TOP3B: variants seen among roughly 807,000 people sequenced by gnomAD.
TOP3B encodes DNA topoisomerase 3-beta-1.
Under a neutral mutation model 93.9 loss-of-function variants are expected in TOP3B, and 45 were observed. The ratio of observed to expected loss-of-function variants is 0.48; its 90% CI spans 0.38 to 0.61. TOP3B has a LOEUF of 0.61. Ranked by LOEUF, TOP3B falls within the 20% of genes least tolerant of loss-of-function variation. The pLI is 0.00. For missense variants in TOP3B, 750 were observed against 1,156.1 expected (o/e 0.65, Z 5.09); for synonymous variants, 357 against 472.6 (o/e 0.76, Z 3.17).
rs112837531 is a variant in TOP3B at position 21,971,869 on chromosome 22, A to G, written c.384+8T>C. The G allele has an allele frequency of 1.3e-3, 2,112 of 1,613,914 alleles. 24 individuals carry two copies. The African/African-American group carries it at 0.025, about 19-fold the overall frequency. Reference sequence around the variant, plus strand: ...AAAAGTGAGGAACAAAGTGAGCCTCACACTCACCTCAAAGCAGATGTTCTC... The same window carrying G: ...AAAAGTGAGGAACAAAGTGAGCCTCGCACTCACCTCAAAGCAGATGTTCTC... On this transcript the variant is annotated splice_region_variant and intron_variant, in intron 5 of 17. Transcript: ENST00000357179. The surrounding 1 kb of genome is among the most constrained non-coding windows in gnomAD (Gnocchi z 4.6).
chr22:21,959,929 TC>T (rs1433349980), intron 14 of TOP3B, 193 bp from the exon 15 acceptor site: 4 of 748,214 alleles, frequency 5.3e-6, no homozygotes, highest in African/African-American at 1.8e-5. Context: ...TTTCCTGATT[TC>T]CCACCTGGAA....
intron 17 of TOP3B, 42 bp downstream of exon 17, chr22:21,958,450 G>A (rs1166879790): frequency 6.2e-7 from 1 of 1,613,114 alleles, no homozygotes; most frequent in South Asian, 1.1e-5. Context: ...ACTGAAAAGA[G>A]ACTGCAGCTA....
chr22:21,971,384 C>T lies in TOP3B; in HGVS notation c.384+493G>A. On this transcript the variant is annotated intron_variant, in intron 5 of 17. Transcript: ENST00000357179. The surrounding 1 kb of genome is among the most constrained non-coding windows in gnomAD (Gnocchi z 4.6). ...GGGCAAGCATGGGGCATGGGGTGTG[C>T]ACAGGGAGCAGCTGCCACCTGCTTC... The T allele has an allele frequency of 3.2e-6, 1 of 311,406 alleles. No homozygotes were observed. Among genetic ancestry groups the T allele is most frequent in the Non-Finnish European group, 6.3e-6 (1 of 159,208 alleles). The allele number at this position is 311,406 out of a possible 1,614,324, so 19.3% of individuals were successfully genotyped here.
intron 6 of TOP3B, chr22:21,969,823 A>G: frequency 5.6e-6 from 1 of 178,840 alleles, no homozygotes; most frequent in Non-Finnish European, 1.2e-5. Context: ...TGGAAGGCTC[A>G]GGTAGGAGGA....
At chr22:21,959,107 C>G in intron 16 of TOP3B, 25 bp downstream of exon 16, 1 of 1,612,302 alleles carries the variant, frequency 6.2e-7, no homozygotes, top group Non-Finnish European at 8.5e-7. Flanking sequence ...GGCAGCTTGC[C>G]TGAGCTAGTG....
chr22:21,960,520 C>T, intron 13 of TOP3B, 71 bp from the exon 14 acceptor site: 18 of 1,593,922 alleles, frequency 1.1e-5, no homozygotes, highest in Non-Finnish European at 1.5e-5. Context: ...TGCTGTATCA[C>T]CTGTCACGGG....
intron 1 of TOP3B, among the ~76,000 whole-genome samples, chr22:21,979,544 G>A (rs1274047823): frequency 6.6e-6 from 1 of 152,152 alleles, no homozygotes; most frequent in Non-Finnish European, 1.5e-5. Context: ...GGTGGTGCCT[G>A]TGATGAACCA....
Position 21,959,754 on chromosome 22 carries a change from G to A in TOP3B, c.1655-18C>T, listed in dbSNP as rs1451216109. On this transcript the variant is annotated intron_variant, in intron 14 of 17. Transcript: ENST00000357179. ...CTCTGCATCTGCAAGTGGGCAGGGG[G>A]CAGATATTGCCCTGAGCACTCGCAC... 2.5e-6 allele frequency: 4 copies of A among 1,609,968 alleles called. No homozygotes were observed. The highest frequency in any genetic ancestry group is 2.5e-6 in the Non-Finnish European group (3 of 1,178,620).
intron 15 of TOP3B, 159 bp downstream of exon 15, chr22:21,959,428 T>C: frequency 6.7e-7 from 1 of 1,495,048 alleles, no homozygotes; most frequent in Non-Finnish European, 8.9e-7. Flanking sequence ...ATGCACCTGC[T>C]CTTTCAACCC....
intron 6 of TOP3B, chr22:21,969,922 A>G (rs1392729852): frequency 2.4e-5 from 7 of 290,472 alleles, no homozygotes; most frequent in East Asian, 6.1e-5. Context: ...CTCTGTCTCA[A>G]AAAAATAATT....
At chr22:21,974,619 C>G (rs957118400) in intron 2 of TOP3B, 131 bp from the exon 3 acceptor site, 12 of 1,045,014 alleles carry the variant, frequency 1.1e-5, no homozygotes, top group Non-Finnish European at 1.6e-5. Flanking sequence ...GACGACATTC[C>G]GCAGACTGGT....
At chr22:21,968,381 G>T in intron 7 of TOP3B, 1 of 519,522 alleles carries the variant, frequency 1.9e-6, no homozygotes, top group Non-Finnish European at 3.4e-6. Context: ...ACCCTGCACT[G>T]CCAGAGCTGA....
At chr22:21,981,067 G>A (rs2084620974) in intron 1 of TOP3B, among the ~76,000 whole-genome samples, 1 of 152,222 alleles carries the variant, frequency 6.6e-6, no homozygotes, top group Non-Finnish European at 1.5e-5. Flanking sequence ...ACTCGCAGCA[G>A]AGGGGCATTG....
Position 21,959,151 on chromosome 22 carries a change from C to T in TOP3B, c.1886G>A (p.Arg629His). 1 of 1,613,828 alleles carries T rather than the reference C, an allele frequency of 6.2e-7. No homozygotes were observed. ...ACCTACCTGGATGTACTTCATGAAG[C>T]GGTGGCACTTCCCACAGCGTGAGAG... The part of the protein sequence containing the change: ...KPLSRCGKCH[R>H]FMKYIQAKPS... The change falls in exon 16 of 18, where the codon CGC (arginine) becomes CAC (histidine). Residue 629 changes from arginine (R) to histidine (H), a missense_variant. Around this residue, in one of 4 missense-constraint regions of TOP3B, gnomAD observed 737 missense variants for 933.7 expected, o/e 0.79. Transcript: ENST00000357179.
Position 21,964,306 on chromosome 22 carries a change from G to A in TOP3B, c.953C>T (p.Pro318Leu). Residue 318 changes from proline to leucine, a missense_variant, in exon 10 of 18, where the codon CCG (proline) becomes CTG (leucine). By Grantham distance (98) the Pro-to-Leu change is moderately conservative. Transcript: ENST00000357179. ...RVASSSLGMG[P>L]QHAMQTAERL... ...CTCAGCCGTCTGCATGGCGTGCTGC[G>A]GCCCCATGCCTGCGAGAGACAGGAG... 1.2e-6 allele frequency: 2 copies of A among 1,613,714 alleles called. No individual in the cohort carries two copies. Among genetic ancestry groups the A allele is most frequent in the East Asian group, 2.2e-5 (1 of 44,878 alleles).
rs2071623555 is a variant in TOP3B, at chr22:21,971,180, G to A, written c.384+697C>T. On this transcript the variant is annotated intron_variant, in intron 5 of 17. Transcript: ENST00000357179. The surrounding 1 kb of genome is among the most constrained non-coding windows in gnomAD (Gnocchi z 4.6). The stretch of plus-strand genomic sequence containing the variant: ...ATCTGGGAAGAGACAGAGTGTGATC[G>A]CATTTGCTGAGGGTGCTGTACTGCA... The A allele has an allele frequency of 6.6e-6, 4 of 605,322 alleles. No homozygotes were observed. In the East Asian group the frequency reaches 2.3e-4, roughly 34 times the overall value. The allele number at this position is 605,322 out of a possible 1,614,324, so 37.5% of individuals were successfully genotyped here. A position where few individuals can be genotyped will look rare whatever the true frequency, so the allele number is the denominator to read the frequency against.
rs2071054415 is a variant in TOP3B, at chr22:21,959,115, G to C, written c.1905+17C>G. On this transcript the variant is annotated intron_variant, in intron 16 of 17. Coordinates refer to ENST00000357179, the MANE Select transcript of TOP3B (RefSeq NM_001282112.2). The stretch of plus-strand genomic sequence containing the variant: ...GGGGTGAGGCAGCTTGCCTGAGCTA[G>C]TGTTCCCTGCACCTACCTGGATGTA... The C allele has an allele frequency of 6.2e-7, 1 of 1,613,086 alleles. No individual in the cohort carries two copies. The highest frequency in any genetic ancestry group is 8.5e-7 in the Non-Finnish European group (1 of 1,179,622).
In TOP3B at chr22:21,975,785, A is replaced by G. The variant is rs778824634; in HGVS notation, c.-76T>C. 30 of 1,533,576 alleles carry G rather than the reference A, an allele frequency of 2.0e-5. No individual in the cohort carries two copies. The highest frequency in any genetic ancestry group is 2.6e-5 in the Non-Finnish European group (29 of 1,133,552). The allele number at this position is 1,533,576 out of a possible 1,614,324, so 95.0% of individuals were successfully genotyped here. The stretch of plus-strand genomic sequence containing the variant: ...TTTAGACTCCACTCTTCCGCAGCAC[A>G]GCACTATTACCAATGCTGACTCCTA... On this transcript the variant is annotated 5_prime_UTR_variant, in exon 2 of 18. Coordinates refer to ENST00000357179, the MANE Select transcript of TOP3B (RefSeq NM_001282112.2).
At chr22:21,981,061 G>A (rs887479720) in intron 1 of TOP3B, among the ~76,000 whole-genome samples, 1 of 152,202 alleles carries the variant, frequency 6.6e-6, no homozygotes, top group African/African-American at 2.4e-5. Flanking sequence ...GGGAAAACTC[G>A]CAGCAGAGGG....
Sources: allele counts gnomAD v4.1 joint callset (sites outside exome capture counted in the v4.1 genomes callset), GRCh38; gene constraint gnomAD v4.1.1; regional missense constraint gnomAD v4.1.1; non-coding constraint Gnocchi (gnomAD v3.1); transcripts MANE v1.5; gene names NCBI Gene and HGNC (gene_info 2026-07-23, HGNC 2026-07-21).